The following CSMD1 variants were observed in gnomAD, a reference collection of about 807,000 sequenced individuals.
The protein encoded by CSMD1 is CUB and Sushi multiple domains 1, also known as CUB and sushi domain-containing protein 1.
Under a neutral mutation model 417.5 loss-of-function variants are expected in CSMD1, and 213 were observed. That is an observed-to-expected ratio of 0.51 (90% CI 0.46 to 0.57). The LOEUF (loss-of-function observed/expected upper bound fraction) is 0.57, where lower values mean the gene tolerates loss of function less well. Ranked by LOEUF, CSMD1 falls within the 20% of genes least tolerant of loss-of-function variation. The pLI, the probability that CSMD1 is intolerant of heterozygous loss-of-function variation, is 0.00. For missense variants in CSMD1, 6,923 were observed against 4,529.7 expected (o/e 1.53, Z -15.17); for synonymous variants, 2,862 against 1,736.8 (o/e 1.65, Z -16.11).
chr8:3,647,894 T>A (rs573925007), intron 7 of CSMD1, among the ~76,000 whole-genome samples: 1 of 152,380 alleles, frequency 6.6e-6, no homozygotes, highest in South Asian at 2.1e-4. Context: ...AAGTTTGGAA[T>A]TACTTCAAAA....
intron 1 of CSMD1, among the ~76,000 whole-genome samples, chr8:4,711,502 T>C (rs1245484535): frequency 2.6e-5 from 4 of 152,124 alleles, no homozygotes; most frequent in African/African-American, 4.8e-5. Flanking sequence ...TCAGAGAAAG[T>C]ATTTTTGGGA....
chr8:3,255,332 A>C (rs1800572176), intron 26 of CSMD1, among the ~76,000 whole-genome samples: 1 of 152,102 alleles, frequency 6.6e-6, no homozygotes. Flanking sequence ...CCACTTGAGG[A>C]GGCAGTCTGT....
chr8:3,411,846 G>A (rs1163933088), intron 12 of CSMD1, among the ~76,000 whole-genome samples: 2 of 73,622 alleles, frequency 2.7e-5, no homozygotes, highest in East Asian at 8.7e-4. Flanking sequence ...ACGTATATAT[G>A]CACGTATATA....
intron 3 of CSMD1, among the ~76,000 whole-genome samples, chr8:4,168,060 C>G (rs1220543830): frequency 6.6e-6 from 1 of 151,704 alleles, no homozygotes; most frequent in Non-Finnish European, 1.5e-5. Flanking sequence ...AACCAGGAGG[C>G]AGAAGTTGTA....
At chr8:4,963,562 C>T (rs1809660420) in intron 1 of CSMD1, among the ~76,000 whole-genome samples, 2 of 152,122 alleles carry the variant, frequency 1.3e-5, no homozygotes, top group African/African-American at 4.8e-5. Flanking sequence ...TGTGTCTTTC[C>T]TATTGGTCTT....
intron 26 of CSMD1, among the ~76,000 whole-genome samples, chr8:3,269,484 T>C (rs374521330): frequency 2.2e-4 from 33 of 152,326 alleles, no homozygotes; most frequent in Middle Eastern, 3.4e-3. Context: ...CAACAAATGA[T>C]GTTTTAAAAT....
chr8:3,338,661 C>T (rs1484375444), intron 23 of CSMD1, among the ~76,000 whole-genome samples: 4 of 152,116 alleles, frequency 2.6e-5, no homozygotes, highest in Non-Finnish European at 4.4e-5. Context: ...TCAGGGCTGG[C>T]CAGTGCACTT....
chr8:4,614,814 A>C (rs1438849511), intron 2 of CSMD1, among the ~76,000 whole-genome samples: 1 of 152,202 alleles, frequency 6.6e-6, no homozygotes, highest in East Asian at 1.9e-4. Context: ...TATTCTTAAA[A>C]GATAATCAGA....
At chr8:3,513,092 C>T (rs1797144638) in intron 10 of CSMD1, among the ~76,000 whole-genome samples, 1 of 151,748 alleles carries the variant, frequency 6.6e-6, no homozygotes, top group Middle Eastern at 3.2e-3. Context: ...ATTGTCTAGC[C>T]CTCCTTGGGG....
chr8:4,945,130 C>T lies in CSMD1; in HGVS notation c.85+49202G>A, dbSNP rs377584170. Among the ~76,000 whole-genome samples, 6 of 152,190 alleles carry T rather than the reference C, an allele frequency of 3.9e-5. 1 individual carries two copies. Among genetic ancestry groups the T allele is most frequent in the African/African-American group, 9.6e-5 (4 of 41,506 alleles). On this transcript the variant is annotated intron_variant, in intron 1 of 69. Coordinates refer to ENST00000635120, the MANE Select transcript of CSMD1 (RefSeq NM_033225.6). ...TGGACCTCAAGCACAATATAATCAG[C>T]GTAATTAGCCACCCACAACAAGAGA...
chr8:3,743,609 G>C (rs772790095), intron 6 of CSMD1, among the ~76,000 whole-genome samples: 1 of 152,234 alleles, frequency 6.6e-6, no homozygotes, highest in East Asian at 1.9e-4. Flanking sequence ...CTGGGAACTA[G>C]GTCTCGAAAA....
At chr8:3,214,432 T>G in intron 30 of CSMD1, 65 bp downstream of exon 30, 2 of 1,345,120 alleles carry the variant, frequency 1.5e-6, no homozygotes, top group Non-Finnish European at 2.0e-6. Flanking sequence ...AAACCATTTC[T>G]TCAATGAGAT....
At chr8:4,247,339 G>A (rs1802774878) in intron 3 of CSMD1, among the ~76,000 whole-genome samples, 1 of 152,122 alleles carries the variant, frequency 6.6e-6, no homozygotes, top group South Asian at 2.1e-4. Flanking sequence ...ACCACATAGA[G>A]TGCTGCTGGG....
intron 8 of CSMD1, among the ~76,000 whole-genome samples, chr8:3,609,841 C>G (rs1304457446): frequency 1.5e-5 from 1 of 67,574 alleles, no homozygotes; most frequent in African/African-American, 5.4e-5. Flanking sequence ...TTTTTTGAGA[C>G]AGAGTCTTGC....
intron 3 of CSMD1, among the ~76,000 whole-genome samples, chr8:4,366,709 T>TTTA (rs918813484): frequency 6.6e-6 from 1 of 151,742 alleles, no homozygotes; most frequent in African/African-American, 2.4e-5. Context: ...TTTCTTTTAT[T>TTTA]TTATTATTAT....
At chr8:3,128,870 G>A (rs1445284167) in intron 41 of CSMD1, 7 of 454,880 alleles carry the variant, frequency 1.5e-5, no homozygotes, top group Non-Finnish European at 3.1e-5. Flanking sequence ...GTCAAGACAT[G>A]GGAAAGCAGG....
At position 3,499,644 on chromosome 8, in the gene CSMD1, CCT is replaced by C. The variant is rs200192154; in HGVS notation, c.1345-5920_1345-5919del. On this transcript the variant is annotated intron_variant, in intron 10 of 69. Coordinates refer to ENST00000635120, the MANE Select transcript of CSMD1 (RefSeq NM_033225.6). ...CTTGGGAGCATGCACTTTGGCTCCCCCTGTCTTGAGAGTGGCCTCCCGACTCT... is the reference window on the plus strand; with the variant it reads ...CTTGGGAGCATGCACTTTGGCTCCCCGTCTTGAGAGTGGCCTCCCGACTCT... Among the ~76,000 whole-genome samples, 678 of 152,034 alleles carry C rather than the reference CCT, an allele frequency of 4.5e-3. 6 individuals are homozygous for C. Among genetic ancestry groups the C allele is most frequent in the African/African-American group, 0.016 (656 of 41,460 alleles).
At chr8:3,802,021 C>T (rs1052782250) in intron 5 of CSMD1, among the ~76,000 whole-genome samples, 3 of 151,812 alleles carry the variant, frequency 2.0e-5, no homozygotes, top group Admixed American at 6.6e-5. Context: ...GATGACTGCA[C>T]GATGATGTAA....
chr8:4,612,707 G>A (rs1207280494), intron 2 of CSMD1, among the ~76,000 whole-genome samples: 1 of 152,174 alleles, frequency 6.6e-6, no homozygotes, highest in Admixed American at 6.5e-5. Flanking sequence ...CACTCTCAGG[G>A]TATGGAGGCT....
Sources: allele counts gnomAD v4.1 joint callset (sites outside exome capture counted in the v4.1 genomes callset), GRCh38; gene constraint gnomAD v4.1.1; transcripts MANE v1.5; gene names NCBI Gene and HGNC (gene_info 2026-07-23, HGNC 2026-07-21).